The following RABGAP1L variants were observed in gnomAD, a reference collection of about 807,000 sequenced individuals.
RABGAP1L encodes the protein rab GTPase-activating protein 1-like.
RABGAP1L carries 63 observed loss-of-function variants against 137.7 expected under a neutral mutation model. The ratio of observed to expected loss-of-function variants is 0.46; its 90% CI spans 0.37 to 0.56. The LOEUF (loss-of-function observed/expected upper bound fraction) is 0.56, where lower values mean the gene tolerates loss of function less well. Among genes scored for constraint, RABGAP1L ranks in the 20% least tolerant of loss-of-function variants. The pLI is 0.00. For synonymous variants in RABGAP1L, 431 were observed against 433.7 expected (o/e 0.99, Z 0.08); for missense variants, 1,095 against 1,244.0 (o/e 0.88, Z 1.80).
At chr1:174,836,322 C>G (rs1692747408) in intron 19 of RABGAP1L, among the ~76,000 whole-genome samples, 1 of 152,086 alleles carries the variant, frequency 6.6e-6, no homozygotes, top group Non-Finnish European at 1.5e-5. Flanking sequence ...TTTCTATGCT[C>G]CATATCAGAT....
intron 19 of RABGAP1L, among the ~76,000 whole-genome samples, chr1:174,937,303 A>C (rs1294150593): frequency 7.3e-6 from 1 of 136,626 alleles, no homozygotes; most frequent in East Asian, 2.2e-4. Flanking sequence ...TTTCTTTTTG[A>C]GACAGAGTTT....
At chr1:174,342,885 C>T (rs1452557046) in intron 11 of RABGAP1L, among the ~76,000 whole-genome samples, 1 of 151,882 alleles carries the variant, frequency 6.6e-6, no homozygotes, top group East Asian at 1.9e-4. Context: ...ACTACAGGCA[C>T]GTGCCACCAT....
intron 13 of RABGAP1L, among the ~76,000 whole-genome samples, chr1:174,424,202 A>G (rs1280468640): frequency 1.3e-5 from 2 of 152,136 alleles, no homozygotes; most frequent in Non-Finnish European, 2.9e-5. Flanking sequence ...AAGAGTTATA[A>G]AATTCCTGTC....
At chr1:174,551,230 CA>C (rs1666525793) in intron 13 of RABGAP1L, among the ~76,000 whole-genome samples, 1 of 150,068 alleles carries the variant, frequency 6.7e-6, no homozygotes, top group African/African-American at 2.5e-5. Context: ...AGAAACAAAA[CA>C]AAAACCACTC....
intron 13 of RABGAP1L, among the ~76,000 whole-genome samples, chr1:174,583,204 A>C (rs988994285): frequency 6.6e-6 from 1 of 152,194 alleles, no homozygotes; most frequent in Admixed American, 6.5e-5. Flanking sequence ...AGTTGGACTT[A>C]ACACAGACAT....
At chr1:174,636,089 A>G (rs533670707) in intron 13 of RABGAP1L, among the ~76,000 whole-genome samples, 51 of 152,284 alleles carry the variant, frequency 3.3e-4, no homozygotes, top group Middle Eastern at 3.4e-3. Context: ...GCCCCATACT[A>G]TTTTCTTGAC....
At chr1:174,700,606 A>T (rs1299882388) in intron 16 of RABGAP1L, 1 of 156,150 alleles carries the variant, frequency 6.4e-6, no homozygotes, top group African/African-American at 2.4e-5. Flanking sequence ...TTAAAGGAAC[A>T]ATTTATTGGG....
intron 13 of RABGAP1L, among the ~76,000 whole-genome samples, chr1:174,506,270 G>A (rs1470233630): frequency 6.6e-6 from 1 of 152,174 alleles, no homozygotes; most frequent in African/African-American, 2.4e-5. Context: ...ACATTGCTAA[G>A]TGTATATTTG....
At chr1:174,361,242 C>G (rs72713540) in intron 11 of RABGAP1L, among the ~76,000 whole-genome samples, 30,487 of 131,126 alleles carry the variant, frequency 0.23, 3,456 homozygotes, top group Admixed American at 0.27. Flanking sequence ...TTTTTTTTTG[C>G]TCAGAATGGC....
At chr1:174,799,491 A>G (rs933069628) in intron 18 of RABGAP1L, among the ~76,000 whole-genome samples, 1 of 152,186 alleles carries the variant, frequency 6.6e-6, no homozygotes, top group Non-Finnish European at 1.5e-5. Context: ...TGTTCAGATG[A>G]CTGGCTGTCT....
chr1:174,427,099 T>G (rs1310869866), intron 13 of RABGAP1L, among the ~76,000 whole-genome samples: 4 of 151,908 alleles, frequency 2.6e-5, no homozygotes, highest in Non-Finnish European at 4.4e-5. Flanking sequence ...CTCTGTGATA[T>G]AAACCTCTAT....
chr1:174,503,253 T>C (rs540573848), intron 13 of RABGAP1L, among the ~76,000 whole-genome samples: 1 of 152,348 alleles, frequency 6.6e-6, no homozygotes, highest in East Asian at 1.9e-4. Flanking sequence ...ATGGCAGAGA[T>C]GAATTGTCAA....
intron 19 of RABGAP1L, among the ~76,000 whole-genome samples, chr1:174,815,097 G>A (rs1399211731): frequency 1.1e-4 from 17 of 152,116 alleles, no homozygotes; most frequent in Non-Finnish European, 2.4e-4. Context: ...ATAGCTTGTA[G>A]TTTTGAAAAA....
intron 19 of RABGAP1L, among the ~76,000 whole-genome samples, chr1:174,852,754 T>C (rs1223686706): frequency 6.6e-6 from 1 of 151,662 alleles, no homozygotes; most frequent in Non-Finnish European, 1.5e-5. Flanking sequence ...AGACAGAGGC[T>C]GCAGTGAGCT....
intron 17 of RABGAP1L, among the ~76,000 whole-genome samples, chr1:174,738,792 T>C (rs162815): frequency 0.39 from 59,953 of 152,064 alleles, 14,965 homozygotes; most frequent in African/African-American, 0.71. Context: ...TAATATTAGG[T>C]TCAATATACT....
At chr1:174,795,528 G>C (rs1445206337) in intron 18 of RABGAP1L, among the ~76,000 whole-genome samples, 2 of 152,118 alleles carry the variant, frequency 1.3e-5, no homozygotes, top group East Asian at 3.8e-4. Flanking sequence ...CTCTACAGAA[G>C]TATTGTTCCT....
At chr1:174,269,019 C>CA (rs1674321420) in intron 7 of RABGAP1L, among the ~76,000 whole-genome samples, 1 of 152,078 alleles carries the variant, frequency 6.6e-6, no homozygotes. Context: ...CTTCGGCTCA[C>CA]ACAAGCTCTG....
chr1:174,311,597 T>C (rs1490176419), intron 11 of RABGAP1L, among the ~76,000 whole-genome samples: 3 of 152,194 alleles, frequency 2.0e-5, no homozygotes, highest in Non-Finnish European at 4.4e-5. Flanking sequence ...TTGTTGCAAA[T>C]GACTGGATCT....
intron 13 of RABGAP1L, among the ~76,000 whole-genome samples, chr1:174,620,160 C>G (rs1247283750): frequency 6.6e-6 from 1 of 152,172 alleles, no homozygotes; most frequent in Non-Finnish European, 1.5e-5. Flanking sequence ...CTGCAAGAGA[C>G]TTAGACTCCC....
Sources: allele counts gnomAD v4.1 joint callset (sites outside exome capture counted in the v4.1 genomes callset), GRCh38; gene constraint gnomAD v4.1.1; transcripts MANE v1.5; gene names NCBI Gene and HGNC (gene_info 2026-07-23, HGNC 2026-07-21).